The following CFAP20DC variants were observed in gnomAD, a reference collection of about 807,000 sequenced individuals.
The protein encoded by CFAP20DC is CFAP20 domain containing, also known as protein CFAP20DC.
CFAP20DC carries 84 observed loss-of-function variants against 101.7 expected under a neutral mutation model. The ratio of observed to expected loss-of-function variants is 0.83; its 90% CI spans 0.69 to 0.99. The LOEUF (loss-of-function observed/expected upper bound fraction) is 0.99, where lower values mean the gene tolerates loss of function less well. Ranked by LOEUF, CFAP20DC falls within the 50% of genes least tolerant of loss-of-function variation. The pLI is 0.00. For missense variants in CFAP20DC, 1,007 were observed against 970.3 expected, an observed-to-expected ratio of 1.04 and a Z score of -0.50; for synonymous variants, 359 against 351.2, an observed-to-expected ratio of 1.02 and a Z score of -0.25.
chr3:59,034,841 G>C (rs1053018884), intron 4 of CFAP20DC, among the ~76,000 whole-genome samples: 1 of 152,172 alleles, frequency 6.6e-6, no homozygotes, highest in Non-Finnish European at 1.5e-5. Flanking sequence ...GGACCAACCA[G>C]AACTAATAGA....
At position 58,907,664 on chromosome 3, in the gene CFAP20DC, C is replaced by T. The variant is rs182044480; in HGVS notation, c.550+6044G>A. ...TGGGAACATTACTCCATGTCTTAGG[C>T]GCTACAATACCAACTTAACTTTTCT... On this transcript the variant is annotated intron_variant, in intron 6 of 16. Coordinates refer to ENST00000482387, the MANE Select transcript of CFAP20DC (RefSeq NM_001394063.1). 7.9e-5 allele frequency among the ~76,000 whole-genome samples: 12 copies of T among 152,284 alleles called. No individual in the cohort carries two copies. The East Asian group carries it at 1.2e-3, about 15-fold the overall frequency.
chr3:59,034,881 C>A (rs1474193216), intron 4 of CFAP20DC, among the ~76,000 whole-genome samples: 3 of 152,196 alleles, frequency 2.0e-5, no homozygotes, highest in Non-Finnish European at 2.9e-5. Context: ...CCCAAATCAA[C>A]AGAATATACA....
chr3:58,737,348 C>A, downstream of CFAP20DC: 1 of 410,010 alleles, frequency 2.4e-6, no homozygotes, highest in Non-Finnish European at 4.8e-6. The surrounding 1 kb of genome is among the most constrained non-coding windows in gnomAD (Gnocchi z 4.1). Context: ...ACCCAACTAA[C>A]CAAACAAGCA....
chr3:58,717,627 T>C lies in CFAP20DC; in HGVS notation c.201A>G (p.Glu67=), dbSNP rs1421095541. 1.1e-5 allele frequency: 5 copies of C among 452,244 alleles called. No individual in the cohort carries two copies. Among genetic ancestry groups the C allele is most frequent in the Admixed American group, 4.8e-5 (2 of 41,986 alleles). 28.0% of individuals were successfully genotyped at this position (452,244 alleles called of 1,614,324 possible). The change falls in exon 4 of 4, where the codon GAA becomes GAG. Residue 67 remains glutamate, a splice_region_variant and synonymous_variant. Coordinates refer to the CFAP20DC transcript ENST00000486145. The surrounding 1 kb of genome is among the most constrained non-coding windows in gnomAD (Gnocchi z 4.1). Reference sequence around the variant, plus strand: ...TGGCTGTAGCACTTCCAGACATTTCTTCTGCATTTCAGGTAGGAGAAGAGA... The same window carrying C: ...TGGCTGTAGCACTTCCAGACATTTCCTCTGCATTTCAGGTAGGAGAAGAGA...
At chr3:58,973,206 G>A (rs916600154) in intron 4 of CFAP20DC, among the ~76,000 whole-genome samples, 19 of 152,100 alleles carry the variant, frequency 1.2e-4, no homozygotes, top group African/African-American at 3.9e-4. Context: ...ACTCCAAACT[G>A]TTTAATTGAA....
At chr3:58,736,866 G>T (rs533176196) in intron 3 of CFAP20DC, among the ~76,000 whole-genome samples, 42 of 152,266 alleles carry the variant, frequency 2.8e-4, no homozygotes, top group African/African-American at 9.9e-4. Context: ...GTAAAAATTA[G>T]TGTTATCTGT....
At chr3:58,757,690 T>C (rs1302400487) in intron 15 of CFAP20DC, among the ~76,000 whole-genome samples, 1 of 152,128 alleles carries the variant, frequency 6.6e-6, no homozygotes, top group African/African-American at 2.4e-5. Flanking sequence ...CTGGTCCATT[T>C]TTAGTTTATT....
At chr3:58,937,841 A>G (rs2107786120) in intron 4 of CFAP20DC, 79 bp from the exon 5 acceptor site, 1 of 792,140 alleles carries the variant, frequency 1.3e-6, no homozygotes. Context: ...TCAAAATGAT[A>G]TAATTTATCA....
chr3:58,903,057 G>A (rs1319658509), intron 6 of CFAP20DC, among the ~76,000 whole-genome samples: 9 of 151,944 alleles, frequency 5.9e-5, no homozygotes, highest in Non-Finnish European at 1.0e-4. Context: ...GATACATATC[G>A]TATCAGATAT....
chr3:58,762,055 G>T (rs1439361268), intron 15 of CFAP20DC, among the ~76,000 whole-genome samples: 1 of 152,186 alleles, frequency 6.6e-6, no homozygotes, highest in Non-Finnish European at 1.5e-5. Context: ...TATTAGGTCT[G>T]CTTGGTGCAG....
In CFAP20DC at chr3:58,820,497, C is replaced by T. The variant is rs1327378071; in HGVS notation, c.2175+11189G>A. On this transcript the variant is annotated intron_variant, in intron 14 of 16. Transcript: ENST00000482387. The stretch of plus-strand genomic sequence containing the variant: ...AATCACAAGCATTCTGATACACCAA[C>T]AACAGACAAACAGAGAGCCAAATCA... Among the ~76,000 whole-genome samples the T allele has an allele frequency of 3.3e-5, 5 of 149,660 alleles. No individual in the cohort carries two copies. In the East Asian group the frequency reaches 5.9e-4, roughly 18 times the overall value.
intron 13 of CFAP20DC, among the ~76,000 whole-genome samples, chr3:58,835,560 A>G (rs1300374540): frequency 6.6e-6 from 1 of 152,206 alleles, no homozygotes. Context: ...TGCTGATGCT[A>G]TATTTGCTTA....
intron 16 of CFAP20DC, among the ~76,000 whole-genome samples, chr3:58,745,655 T>C (rs1054971432): frequency 6.6e-6 from 1 of 152,210 alleles, no homozygotes; most frequent in Non-Finnish European, 1.5e-5. Context: ...TAATAAATGA[T>C]AGTTACTATT....
Position 58,884,657 on chromosome 3 carries a change from T to A in CFAP20DC, c.603A>T (p.Arg201=). The A allele has an allele frequency of 6.2e-7, 1 of 1,613,686 alleles. No homozygotes were observed. The highest frequency in any genetic ancestry group is 8.5e-7 in the Non-Finnish European group (1 of 1,179,586). The change falls in exon 7 of 17, where the codon CGA becomes CGT. Residue 201 remains arginine, a synonymous_variant. Transcript: ENST00000482387. ...STDEPTDIIP[R]SCQLMTDVPH... ...GAACATCTGTCATTAGTTGACAGCTTCGTGGTATAATATCTGTAGGCTCAT... is the reference window on the plus strand; with the variant it reads ...GAACATCTGTCATTAGTTGACAGCTACGTGGTATAATATCTGTAGGCTCAT...
rs544184251 is a variant in CFAP20DC, at chr3:58,935,432, T to C, written c.393+2216A>G. Among the ~76,000 whole-genome samples the C allele has an allele frequency of 2.6e-5, 4 of 152,028 alleles. No homozygotes were observed. The South Asian group carries it at 8.3e-4, about 32-fold the overall frequency. On this transcript the variant is annotated intron_variant, in intron 5 of 16. Coordinates refer to ENST00000482387, the MANE Select transcript of CFAP20DC (RefSeq NM_001394063.1). The stretch of plus-strand genomic sequence containing the variant: ...GAATTGGAAAAAACTACTTTAAAGT[T>C]CATATGGAACCAAAAAAGAGCCCGC...
chr3:58,768,557 T>C (rs1318208245), intron 15 of CFAP20DC, among the ~76,000 whole-genome samples: 1 of 152,214 alleles, frequency 6.6e-6, no homozygotes, highest in Non-Finnish European at 1.5e-5. Context: ...GCCATTATCC[T>C]AGTCTATGTT....
At chr3:59,018,345 A>G (rs1349220418) in intron 4 of CFAP20DC, 1 of 152,128 alleles carries the variant, frequency 6.6e-6, no homozygotes, top group Non-Finnish European at 1.5e-5. Context: ...AATGAGGAAG[A>G]AGATATTTAT....
intron 13 of CFAP20DC, 41 bp from the exon 14 acceptor site, chr3:58,831,930 T>C (rs1236924888): frequency 6.4e-7 from 1 of 1,552,626 alleles, no homozygotes; most frequent in East Asian, 2.2e-5. Context: ...TCATTTGGCC[T>C]AATTCTACGG....
At chr3:58,875,511 C>G (rs28546739) in intron 7 of CFAP20DC, among the ~76,000 whole-genome samples, 2,118 of 152,240 alleles carry the variant, frequency 0.014, 55 homozygotes, top group African/African-American at 0.049. Flanking sequence ...TGTACCAGCA[C>G]GTGGCCTTTC....
Sources: gnomAD v4.1 joint callset for allele counts (sites outside exome capture counted in the v4.1 genomes callset) on GRCh38, gnomAD v4.1.1 for gene constraint, Gnocchi (gnomAD v3.1) non-coding constraint, MANE v1.5 for transcripts, NCBI Gene and HGNC (gene_info 2026-07-23, HGNC 2026-07-21) for gene names.